Variants in SFXN5 observed in about 807,000 individuals in gnomAD.
The protein encoded by SFXN5 is sideroflexin 5, also known as sideroflexin-5.
SFXN5 carries 43 observed loss-of-function variants against 50.2 expected under a neutral mutation model. That is an observed-to-expected ratio of 0.86 (90% CI 0.67 to 1.11). The LOEUF is 1.11. Among genes scored for constraint, SFXN5 ranks in the 50% least tolerant of loss-of-function variants. The pLI is 0.00. For synonymous variants in SFXN5, 203 were observed against 185.8 expected, an observed-to-expected ratio of 1.09 and a Z score of -0.75; for missense variants, 463 against 454.1, an observed-to-expected ratio of 1.02 and a Z score of -0.18.
intron 12 of SFXN5, among the ~76,000 whole-genome samples, chr2:72,962,363 C>A (rs1673848933): frequency 6.6e-6 from 1 of 152,238 alleles, no homozygotes; most frequent in African/African-American, 2.4e-5. Context: ...GCAGTAAACC[C>A]CATATACTGT....
intron 9 of SFXN5, among the ~76,000 whole-genome samples, chr2:72,989,589 G>A (rs1186376417): frequency 1.3e-5 from 2 of 151,980 alleles, no homozygotes; most frequent in African/African-American, 2.4e-5. Context: ...CATAGTACAC[G>A]CTCAATAAAC....
chr2:72,993,749 C>T (rs1020577119), intron 9 of SFXN5, among the ~76,000 whole-genome samples: 1 of 152,128 alleles, frequency 6.6e-6, no homozygotes, highest in East Asian at 1.9e-4. Context: ...GTGCTGTCGT[C>T]CCCCTACCTC....
chr2:73,004,458 T>C (rs1674346338), intron 6 of SFXN5, among the ~76,000 whole-genome samples: 1 of 152,170 alleles, frequency 6.6e-6, no homozygotes, highest in Admixed American at 6.5e-5. Flanking sequence ...GGTATTTGGT[T>C]ATGTGTAAAG....
chr2:72,991,125 G>T (rs568432130), intron 9 of SFXN5, among the ~76,000 whole-genome samples: 1 of 152,216 alleles, frequency 6.6e-6, no homozygotes, highest in African/African-American at 2.4e-5. Context: ...GGAGAGCAGC[G>T]GGAGGGAAAG....
chr2:72,958,032 G>A (rs1465728201), intron 13 of SFXN5, among the ~76,000 whole-genome samples: 1 of 152,214 alleles, frequency 6.6e-6, no homozygotes, highest in Non-Finnish European at 1.5e-5. Context: ...GGGGAGAGGG[G>A]AGCCTGGGCT....
chr2:73,003,293 G>A (rs11900251), intron 6 of SFXN5, among the ~76,000 whole-genome samples: 11,706 of 152,184 alleles, frequency 0.077, 1,460 homozygotes, highest in African/African-American at 0.26. Context: ...TACTGAACAC[G>A]GTGTCTTATG....
chr2:72,986,659 C>T (rs1250224357), intron 10 of SFXN5, among the ~76,000 whole-genome samples: 1 of 152,188 alleles, frequency 6.6e-6, no homozygotes, highest in African/African-American at 2.4e-5. Flanking sequence ...CCTTACACTG[C>T]TCTCAATACT....
chr2:73,012,649 AACACACACACACACACACAC>A (rs57635824), intron 6 of SFXN5, among the ~76,000 whole-genome samples: 59 of 125,918 alleles, frequency 4.7e-4, no homozygotes, highest in South Asian at 1.5e-3. Context: ...CTAGCCAAAC[AACACACACACACACACACAC>A]ACACACACAC....
At position 73,048,924 on chromosome 2, in the gene SFXN5, G is replaced by A. The variant is rs557662239; in HGVS notation, c.172-7993C>T. ...ATCTGCAGGGTGATACTTTGAGAGC[G>A]AATGAGTATTCAGTTTCCCAAAAAC... On this transcript the variant is annotated intron_variant, in intron 2 of 13. Transcript: ENST00000272433. 3.9e-5 allele frequency among the ~76,000 whole-genome samples: 6 copies of A among 152,220 alleles called. No homozygotes were observed. In the South Asian group the frequency reaches 6.2e-4, roughly 16 times the overall value.
At chr2:73,019,431 CTTTTTTTTTTTTTTT>C (rs1184703843) in intron 6 of SFXN5, 2 of 123,484 alleles carry the variant, frequency 1.6e-5, no homozygotes, top group African/African-American at 3.0e-5. Flanking sequence ...TTTTTTTTTT[CTTTTTTTTTTTTTTT>C]GAGACCGAGT....
intron 7 of SFXN5, 69 bp from the exon 8 acceptor site, chr2:73,000,556 A>G (rs1053929885): frequency 1.4e-6 from 2 of 1,448,300 alleles, no homozygotes; most frequent in Non-Finnish European, 1.9e-6. Flanking sequence ...CCTGGACCCC[A>G]GGAGGCCACA....
At chr2:73,010,332 G>A (rs977697722) in intron 6 of SFXN5, among the ~76,000 whole-genome samples, 10 of 152,162 alleles carry the variant, frequency 6.6e-5, no homozygotes, top group Admixed American at 3.3e-4. Flanking sequence ...AATGTATTTC[G>A]GTTGGGAGAT....
intron 2 of SFXN5, among the ~76,000 whole-genome samples, chr2:73,047,249 T>TATATATATATATATATACACAC (rs1680523083): frequency 1.0e-4 from 2 of 19,324 alleles, no homozygotes; most frequent in Non-Finnish European, 1.2e-4. Flanking sequence ...AAAAAAAATA[T>TATATATATATATATATACACAC]ATATATATAT....
intron 9 of SFXN5, chr2:72,998,533 C>T (rs1200477814): frequency 1.1e-5 from 2 of 181,872 alleles, no homozygotes; most frequent in Non-Finnish European, 2.3e-5. Flanking sequence ...AAAAGCAGTG[C>T]CCCGGCAGCT....
chr2:73,054,470 G>C (rs1681824890), intron 2 of SFXN5, among the ~76,000 whole-genome samples: 1 of 152,158 alleles, frequency 6.6e-6, no homozygotes, highest in South Asian at 2.1e-4. Context: ...AAGAGTTGAA[G>C]AATAAAATTG....
intron 10 of SFXN5, among the ~76,000 whole-genome samples, chr2:72,982,665 T>C (rs6710911): frequency 0.17 from 26,278 of 152,074 alleles, 2,441 homozygotes; most frequent in East Asian, 0.32. Context: ...GTAGCTGCCA[T>C]CTAACCCTGG....
chr2:72,961,512 G>A lies in SFXN5; in HGVS notation c.828-264C>T, dbSNP rs959570866. 6.6e-6 allele frequency among the ~76,000 whole-genome samples: 1 copy of A among 152,210 alleles called. No homozygotes were observed. The highest frequency in any genetic ancestry group is 1.5e-5 in the Non-Finnish European group (1 of 68,022). ...AACCTCAATTACTCAGGTCACGAAT[G>A]AGTACTTTCGGGGCACCCACCCGCC... is the stretch of plus-strand genomic sequence containing the variant. On this transcript the variant is annotated intron_variant, in intron 12 of 13. Transcript: ENST00000272433. The surrounding 1 kb of genome is among the most constrained non-coding windows in gnomAD (Gnocchi z 4.4).
At chr2:72,994,627 T>A (rs1242722472) in intron 9 of SFXN5, among the ~76,000 whole-genome samples, 1 of 151,976 alleles carries the variant, frequency 6.6e-6, no homozygotes, top group East Asian at 1.9e-4. Context: ...TGAGTCTTCC[T>A]CTCCAGCCCC....
chr2:73,060,661 T>A (rs1389644367), intron 1 of SFXN5, among the ~76,000 whole-genome samples: 1 of 151,926 alleles, frequency 6.6e-6, no homozygotes, highest in Non-Finnish European at 1.5e-5. Flanking sequence ...GTCTCCTGAA[T>A]ATAATTACTA....
Sources: gnomAD v4.1 joint callset for allele counts (sites outside exome capture counted in the v4.1 genomes callset) on GRCh38, gnomAD v4.1.1 for gene constraint, Gnocchi (gnomAD v3.1) non-coding constraint, MANE v1.5 for transcripts, NCBI Gene and HGNC (gene_info 2026-07-23, HGNC 2026-07-21) for gene names.